Variants in HK2 observed in about 807,000 individuals in gnomAD.
The protein encoded by HK2 is hexokinase-2.
A neutral mutation model predicts 92.9 loss-of-function variants in HK2; 42 were observed. That is an observed-to-expected ratio of 0.45 (90% CI 0.35 to 0.58). The LOEUF (loss-of-function observed/expected upper bound fraction) is 0.58. Ranked by LOEUF, HK2 falls within the 20% of genes least tolerant of loss-of-function variation. The pLI is 0.00. For synonymous variants in HK2, 422 were observed against 468.0 expected (o/e 0.90, Z 1.27); for missense variants, 978 against 1,245.1 (o/e 0.79, Z 3.23).
rs1006613301 is a variant in HK2 at position 74,834,382 on chromosome 2, A to C, written c.-199A>C. 1.1e-5 allele frequency: 7 copies of C among 635,886 alleles called. No homozygotes were observed. The highest frequency in any genetic ancestry group is 2.4e-5 in the Admixed American group (1 of 42,382). 39.4% of individuals were successfully genotyped at this position (635,886 alleles called of 1,614,324 possible). On this transcript the variant is annotated 5_prime_UTR_variant, in exon 1 of 18. Coordinates refer to ENST00000290573, the MANE Select transcript of HK2 (RefSeq NM_000189.5). This position sits in a 1 kb window ranked among gnomAD's most constrained non-coding sequence, Gnocchi z 4.2. Reference sequence around the variant, plus strand: ...GGCGCCTTCTAGCAGTTGTGACGCCAAAATCACGTCTCCGGAGACCCGCGC... The same window carrying C: ...GGCGCCTTCTAGCAGTTGTGACGCCCAAATCACGTCTCCGGAGACCCGCGC...
At chr2:74,856,284 C>A (rs558652865) in intron 2 of HK2, among the ~76,000 whole-genome samples, 1 of 152,120 alleles carries the variant, frequency 6.6e-6, no homozygotes, top group Non-Finnish European at 1.5e-5. Flanking sequence ...GAGACTGTAT[C>A]GTTCCCAAAA....
chr2:74,891,306 A>T lies in HK2; in HGVS notation c.*365A>T, dbSNP rs1379813600. 1 of 327,750 alleles carries T rather than the reference A, an allele frequency of 3.1e-6. No homozygotes were observed. The highest frequency in any genetic ancestry group is 2.2e-5 in the African/African-American group (1 of 46,390). 20.3% of individuals were successfully genotyped at this position (327,750 alleles called of 1,614,324 possible). On this transcript the variant is annotated 3_prime_UTR_variant, in exon 18 of 18. Coordinates refer to ENST00000290573, the MANE Select transcript of HK2 (RefSeq NM_000189.5). ...GGTTGCTTCACCTTGGAGCCTGAAC[A>T]TGACATTTCTAAGTGGGGTGCATCC...
At chr2:74,842,030 G>A (rs777799738) in intron 1 of HK2, among the ~76,000 whole-genome samples, 7 of 152,256 alleles carry the variant, frequency 4.6e-5, no homozygotes, top group Non-Finnish European at 1.0e-4. Context: ...AACACGCAGT[G>A]TGAGCTTGGG....
chr2:74,849,960 TTAC>T (rs1241742294), intron 1 of HK2, among the ~76,000 whole-genome samples: 1 of 152,200 alleles, frequency 6.6e-6, no homozygotes, highest in Non-Finnish European at 1.5e-5. Context: ...ATCCAGAAAC[TTAC>T]ATCTCTTAAA....
Sources: gnomAD v4.1 joint callset for allele counts (sites outside exome capture counted in the v4.1 genomes callset) on GRCh38, gnomAD v4.1.1 for gene constraint, Gnocchi (gnomAD v3.1) non-coding constraint, MANE v1.5 for transcripts, NCBI Gene and HGNC (gene_info 2026-07-23, HGNC 2026-07-21) for gene names.